The following RHOU variants were observed in gnomAD, a reference collection of about 807,000 sequenced individuals.
RHOU encodes rho-related GTP-binding protein RhoU.
RHOU carries 8 observed loss-of-function variants against 12.6 expected under a neutral mutation model. The ratio of observed to expected loss-of-function variants is 0.64; its 90% CI spans 0.37 to 1.15. The LOEUF is 1.15. Ranked by LOEUF, RHOU falls within the 50% of genes most tolerant of loss-of-function variation. RHOU has a pLI of 0.01. For missense variants in RHOU, 258 were observed against 347.0 expected, an observed-to-expected ratio of 0.74 and a Z score of 2.04; for synonymous variants, 161 against 147.4, an observed-to-expected ratio of 1.09 and a Z score of -0.67.
the RHOU span, among the ~76,000 whole-genome samples, chr1:228,686,931 G>GA: frequency 3.0e-3 from 459 of 152,154 alleles, 6 homozygotes; most frequent in African/African-American, 0.01. Flanking sequence ...GTAGAGAGGG[G>GA]ATTTCACCAT....
At chr1:228,690,473 G>T in the RHOU span, among the ~76,000 whole-genome samples, 1 of 151,776 alleles carries the variant, frequency 6.6e-6, no homozygotes, top group Non-Finnish European at 1.5e-5. Flanking sequence ...TTACAGGCAT[G>T]CACCACCACG....
the RHOU span, among the ~76,000 whole-genome samples, chr1:228,676,131 G>A: frequency 2.1e-5 from 3 of 146,308 alleles, no homozygotes; most frequent in African/African-American, 5.1e-5. Flanking sequence ...TGCTGTAACC[G>A]CCCCCCCCCT....
At chr1:228,663,625 CTT>C in the RHOU span, among the ~76,000 whole-genome samples, 597 of 58,596 alleles carry the variant, frequency 0.01, 4 homozygotes, top group African/African-American at 0.038. Flanking sequence ...CTTTTCTTTT[CTT>C]TTTTTTTTTT....
At chr1:228,651,214 G>T in the RHOU span, 1 of 210,012 alleles carries the variant, frequency 4.8e-6, no homozygotes. Flanking sequence ...CCTCCTACCA[G>T]GGGGAGGCAG....
the RHOU span, among the ~76,000 whole-genome samples, chr1:228,683,436 A>T: frequency 6.6e-6 from 1 of 152,244 alleles, no homozygotes; most frequent in Non-Finnish European, 1.5e-5. Context: ...TCAGGTAGAT[A>T]TTGAGATTTT....
chr1:228,707,126 A>ATG, the RHOU span, among the ~76,000 whole-genome samples: 41 of 75,386 alleles, frequency 5.4e-4, 2 homozygotes, highest in African/African-American at 3.7e-3. Context: ...ATATATATAT[A>ATG]CATATATATA....
the RHOU span, among the ~76,000 whole-genome samples, chr1:228,725,021 GACATTTA>G: frequency 6.6e-6 from 1 of 152,132 alleles, no homozygotes; most frequent in African/African-American, 2.4e-5. Flanking sequence ...GTCTTTCTCT[GACATTTA>G]TTTATTTTAT....
the RHOU span, among the ~76,000 whole-genome samples, chr1:228,673,583 A>G: frequency 3.0e-4 from 46 of 152,214 alleles, 1 homozygote; most frequent in Admixed American, 2.8e-3. Context: ...GAGAGTTTTC[A>G]AGAGAGCTGG....
upstream of RHOU, among the ~76,000 whole-genome samples, chr1:228,733,086 CA>C (rs1477853896): frequency 6.6e-6 from 1 of 152,214 alleles, no homozygotes; most frequent in Non-Finnish European, 1.5e-5. Context: ...TTACTTCACA[CA>C]CAGGTGAACT....
chr1:228,676,595 G>T, the RHOU span, among the ~76,000 whole-genome samples: 1 of 152,196 alleles, frequency 6.6e-6, no homozygotes, highest in Non-Finnish European at 1.5e-5. Flanking sequence ...CACCAAACAG[G>T]CTTTGTGTGA....
the RHOU span, among the ~76,000 whole-genome samples, chr1:228,649,158 C>T: frequency 6.6e-6 from 1 of 152,152 alleles, no homozygotes; most frequent in African/African-American, 2.4e-5. Context: ...AGCCACTGTG[C>T]CCACCAGCTT....
At chr1:228,693,097 G>A in the RHOU span, among the ~76,000 whole-genome samples, 6 of 151,938 alleles carry the variant, frequency 3.9e-5, no homozygotes, top group East Asian at 1.9e-4. Flanking sequence ...TATTCTCTTC[G>A]GTAATAATCC....
rs1300838514 is a variant in RHOU at position 228,737,258 on chromosome 1, G to A, written c.263-415G>A. Among the ~76,000 whole-genome samples the A allele has an allele frequency of 6.6e-6, 1 of 152,190 alleles. No homozygotes were observed. Among genetic ancestry groups the A allele is most frequent in the African/African-American group, 2.4e-5 (1 of 41,422 alleles). On this transcript the variant is annotated intron_variant, in intron 1 of 2. Coordinates refer to ENST00000366691, the MANE Select transcript of RHOU (RefSeq NM_021205.6). This position sits in a 1 kb window ranked among gnomAD's most constrained non-coding sequence, Gnocchi z 4.1. ...TTGTATGATAAACCCTGAAGTTGGG[G>A]AACCTTTCCCAAGGGAAAACAGAAT...
rs1183678694 is a variant in RHOU at position 228,735,970 on chromosome 1, C to T, written c.228C>T (p.Thr76=). The T allele has an allele frequency of 2.5e-6, 4 of 1,583,156 alleles. No individual in the cohort carries two copies. The highest frequency in any genetic ancestry group is 3.4e-6 in the Non-Finnish European group (4 of 1,169,180). ...VVSYTTNGYP[T]EYIPTAFDNF... The stretch of plus-strand genomic sequence containing the variant: ...GCTACACCACCAACGGCTACCCCAC[C>T]GAGTACATCCCTACTGCCTTCGACA... Residue 76 remains threonine, a synonymous_variant, in exon 1 of 3, where the codon ACC becomes ACT. Coordinates refer to ENST00000366691, the MANE Select transcript of RHOU (RefSeq NM_021205.6). The surrounding 1 kb of genome is among the most constrained non-coding windows in gnomAD (Gnocchi z 8.1).
chr1:228,713,707 A>C, the RHOU span, among the ~76,000 whole-genome samples: 1 of 152,162 alleles, frequency 6.6e-6, no homozygotes, highest in Non-Finnish European at 1.5e-5. Context: ...AATCAAACCC[A>C]AGGAGAGGTC....
chr1:228,728,152 G>T, the RHOU span, among the ~76,000 whole-genome samples: 1 of 152,166 alleles, frequency 6.6e-6, no homozygotes, highest in Non-Finnish European at 1.5e-5. Flanking sequence ...CAGAGAAGGG[G>T]ATTTAACAGA....
At chr1:228,727,113 T>C in the RHOU span, among the ~76,000 whole-genome samples, 2 of 152,210 alleles carry the variant, frequency 1.3e-5, no homozygotes, top group Non-Finnish European at 2.9e-5. Flanking sequence ...TGATCACTAT[T>C]GTTCACACTA....
chr1:228,650,770 T>A, the RHOU span: 1 of 433,720 alleles, frequency 2.3e-6, no homozygotes. Flanking sequence ...TTGAAATCCT[T>A]TCCTCCCTCT....
chr1:228,680,223 A>G, the RHOU span, among the ~76,000 whole-genome samples: 1 of 152,040 alleles, frequency 6.6e-6, no homozygotes, highest in African/African-American at 2.4e-5. Context: ...GCAGCATCAG[A>G]TCTGGAAGGA....
Sources: gnomAD v4.1 joint callset for allele counts (sites outside exome capture counted in the v4.1 genomes callset) on GRCh38, gnomAD v4.1.1 for gene constraint, Gnocchi (gnomAD v3.1) non-coding constraint, MANE v1.5 for transcripts, NCBI Gene and HGNC (gene_info 2026-07-23, HGNC 2026-07-21) for gene names.